The following RAB40A variants were observed in gnomAD, a reference collection of about 807,000 sequenced individuals.
RAB40A encodes the protein ras-related protein Rab-40A.
For synonymous variants in RAB40A, 65 were observed against 99.9 expected (o/e 0.65, Z 2.08); for missense variants, 145 against 230.2 (o/e 0.63, Z 2.40).
chrX:103,495,926 A>G (rs1454451491), downstream of RAB40A, among the ~76,000 whole-genome samples: 1 of 112,242 alleles, frequency 8.9e-6, no homozygotes, highest in Non-Finnish European at 1.9e-5. Context: ...AAGTACAGGC[A>G]TAACTTGTTT....
chrX:103,509,319 C>G (rs1452591216), intron 2 of RAB40A, among the ~76,000 whole-genome samples: 2 of 102,414 alleles, frequency 2.0e-5, no homozygotes, highest in Non-Finnish European at 3.9e-5. Context: ...CTCTCTCTCT[C>G]TGTCTCTCTG....
At position 103,500,211 on chromosome X, in the gene RAB40A, C is replaced by G. The variant is rs1182591922; in HGVS notation, c.546G>C (p.Trp182Cys). Residue 182 changes from tryptophan to cysteine, a missense_variant, in exon 3 of 3, where the codon TGG becomes TGC. By Grantham distance (215) the Trp-to-Cys change is radical. Transcript: ENST00000304236. The part of the protein sequence containing the change: ...RIVLLRHRMN[W>C]LGRPSKVLSL... ...TCAGTACCTTGCTCGGCCTCCCGAG[C>G]CAATTCATCCTGTGCCGCAGCAGCA... is the stretch of plus-strand genomic sequence containing the variant. 8.3e-7 allele frequency: 1 copy of G among 1,209,367 alleles called. No individual in the cohort carries two copies. The highest frequency in any genetic ancestry group is 1.8e-5 in the African/African-American group (1 of 56,944).
Position 103,499,536 on chromosome X carries a change from G to A in RAB40A, c.*387C>T, listed in dbSNP as rs945300658. 3 of 249,617 alleles carry A rather than the reference G, an allele frequency of 1.2e-5. No homozygotes were observed. Among genetic ancestry groups the A allele is most frequent in the Non-Finnish European group, 2.2e-5 (3 of 137,961 alleles). 20.6% of individuals were successfully genotyped at this position (249,617 alleles called of 1,213,427 possible). Reference sequence around the variant, plus strand: ...ATGACTGAATTATCTCACTATCATTGCTTCTCAAATTTCCTTGAATTTATA... The same window carrying A: ...ATGACTGAATTATCTCACTATCATTACTTCTCAAATTTCCTTGAATTTATA... On this transcript the variant is annotated 3_prime_UTR_variant, in exon 3 of 3. Coordinates refer to ENST00000304236, the MANE Select transcript of RAB40A (RefSeq NM_080879.3).
intron 2 of RAB40A, among the ~76,000 whole-genome samples, chrX:103,504,171 G>A (rs2073242883): frequency 9.0e-6 from 1 of 111,033 alleles, no homozygotes; most frequent in Non-Finnish European, 1.9e-5. Flanking sequence ...CAAACCCTGG[G>A]GCCTACTGGA....
At chrX:103,502,892 C>CTT (rs931054521) in intron 2 of RAB40A, 66 of 763,969 alleles carry the variant, frequency 8.6e-5, no homozygotes, top group Non-Finnish European at 9.9e-5. Flanking sequence ...TGAAGTGGGA[C>CTT]TTCAATGGCC....
chrX:103,518,367 A>G (rs1273424335), intron 1 of RAB40A, among the ~76,000 whole-genome samples: 1 of 111,202 alleles, frequency 9.0e-6, no homozygotes, highest in Non-Finnish European at 1.9e-5. Flanking sequence ...TGCACTAGAA[A>G]GGTGAAGAAA....
At chrX:103,502,611 T>G (rs887056443) in intron 2 of RAB40A, 14 of 454,371 alleles carry the variant, frequency 3.1e-5, no homozygotes, top group Non-Finnish European at 3.6e-5. Context: ...CCAGAGGGGT[T>G]GTGGAGTGGG....
chrX:103,515,340 C>T (rs2073311317), intron 2 of RAB40A, among the ~76,000 whole-genome samples: 1 of 112,449 alleles, frequency 8.9e-6, no homozygotes, highest in Non-Finnish European at 1.9e-5. Flanking sequence ...TCCCAAACTT[C>T]CACCATTCTC....
chrX:103,513,689 A>G (rs2073302738), intron 2 of RAB40A, among the ~76,000 whole-genome samples: 1 of 110,752 alleles, frequency 9.0e-6, no homozygotes, highest in Admixed American at 9.7e-5. Flanking sequence ...TAGCATGAAT[A>G]AAAGTTGGGA....
Position 103,500,253 on chromosome X carries a change from C to T in RAB40A, c.504G>A (p.Thr168=), listed in dbSNP as rs192460845. The stretch of plus-strand genomic sequence containing the variant: ...GCAGCAGCACTATCCTGGCCAGCTC[C>T]GTGAAAGACTCTATGATGTTGAAAT... ...LCNFNIIESF[T]ELARIVLLRH... Residue 168 remains threonine (T), a synonymous_variant, in exon 3 of 3, where the codon ACG becomes ACA. Transcript: ENST00000304236. The T allele has an allele frequency of 5.8e-6, 7 of 1,210,238 alleles. No homozygotes were observed. The highest frequency in any genetic ancestry group is 2.3e-4 in the Middle Eastern group (1 of 4,349).
In RAB40A at chrX:103,513,047, A is replaced by G. The variant is rs151072053; in HGVS notation, c.-71+4327T>C. 1.9e-4 allele frequency among the ~76,000 whole-genome samples: 21 copies of G among 111,762 alleles called. 1 individual carries two copies. In the Admixed American group the frequency reaches 1.9e-3, roughly 10 times the overall value. On this transcript the variant is annotated intron_variant, in intron 2 of 2. Transcript: ENST00000304236. ...GGTCCTAGAATTAAAGTATGAATCT[A>G]TATACATGACATCCCCAGGTGGGCA...
At chrX:103,518,529 A>G (rs12171775) in intron 1 of RAB40A, among the ~76,000 whole-genome samples, 8,571 of 110,665 alleles carry the variant, frequency 0.077, 881 homozygotes, top group African/African-American at 0.27. Flanking sequence ...CCAAACTATC[A>G]TGCCAGAGAG....
intron 2 of RAB40A, among the ~76,000 whole-genome samples, chrX:103,514,405 A>T (rs962831037): frequency 9.0e-6 from 1 of 111,694 alleles, no homozygotes; most frequent in Admixed American, 9.5e-5. Flanking sequence ...GCTGGAGTGC[A>T]GTGGTACAAT....
chrX:103,507,797 C>T lies in RAB40A; in HGVS notation c.-70-6971G>A, dbSNP rs763984332. 3.6e-5 allele frequency among the ~76,000 whole-genome samples: 4 copies of T among 110,973 alleles called. No individual in the cohort carries two copies. In the South Asian group the frequency reaches 1.5e-3, roughly 42 times the overall value. The stretch of plus-strand genomic sequence containing the variant: ...TCAGGGCATGTTACTTGCCTTCTCT[C>T]CAGTTCACCTGTCCCAAGGCCAACA... On this transcript the variant is annotated intron_variant, in intron 2 of 2. Transcript: ENST00000304236.
chrX:103,517,929 C>CAA (rs1233340406), intron 1 of RAB40A, among the ~76,000 whole-genome samples: 1 of 112,046 alleles, frequency 8.9e-6, no homozygotes. Flanking sequence ...GTGAATAAAG[C>CAA]AAAGTGCAGA....
Position 103,510,092 on chromosome X carries a change from C to T in RAB40A, c.-71+7282G>A, listed in dbSNP as rs138220734. ...ATGCTGGGATTATAGGCATGAGCCACCGTGCCCAACCGAAATATTCCTTTT... is the reference window on the plus strand; with the variant it reads ...ATGCTGGGATTATAGGCATGAGCCATCGTGCCCAACCGAAATATTCCTTTT... On this transcript the variant is annotated intron_variant, in intron 2 of 2. Coordinates refer to ENST00000304236, the MANE Select transcript of RAB40A (RefSeq NM_080879.3). Among the ~76,000 whole-genome samples, 109 of 112,381 alleles carry T rather than the reference C, an allele frequency of 9.7e-4. 3 individuals are homozygous for T. In the East Asian group the frequency reaches 0.026, roughly 27 times the overall value.
At chrX:103,510,361 C>T (rs955938697) in intron 2 of RAB40A, among the ~76,000 whole-genome samples, 11 of 111,945 alleles carry the variant, frequency 9.8e-5, no homozygotes, top group African/African-American at 3.6e-4. Flanking sequence ...GACTCAATAC[C>T]TAAAAATCAC....
downstream of RAB40A, chrX:103,499,000 C>G (rs1252118606): frequency 8.9e-6 from 1 of 111,897 alleles, no homozygotes; most frequent in Non-Finnish European, 1.9e-5. Flanking sequence ...AAATGACTCA[C>G]CTAAGGCCTT....
chrX:103,507,076 C>CCG (rs1210542758), intron 2 of RAB40A, among the ~76,000 whole-genome samples: 1 of 95,980 alleles, frequency 1.0e-5, no homozygotes, highest in Admixed American at 1.1e-4. Context: ...TGTGATGTTC[C>CCG]TCTCTCTGTC....
Sources: gnomAD v4.1 joint callset for allele counts (sites outside exome capture counted in the v4.1 genomes callset) on GRCh38, gnomAD v4.1.1 for gene constraint, MANE v1.5 for transcripts, NCBI Gene and HGNC (gene_info 2026-07-23, HGNC 2026-07-21) for gene names.